ABCC3: variants seen among roughly 807,000 people sequenced by gnomAD.
The protein encoded by ABCC3 is ATP binding cassette subfamily C member 3.
In ABCC3, 121 loss-of-function variants were observed where a neutral mutation model predicts 165.3. That is an observed-to-expected ratio of 0.73 (90% CI 0.63 to 0.85). The LOEUF is 0.85. Ranked by LOEUF, ABCC3 falls within the 40% of genes least tolerant of loss-of-function variation. The probability of loss-of-function intolerance (pLI) is 0.00; values close to 1 mark genes in which losing one functional copy is unlikely to be tolerated. For synonymous variants in ABCC3, 733 were observed against 810.1 expected (o/e 0.90, Z 1.62); for missense variants, 1,869 against 1,964.1 (o/e 0.95, Z 0.92).
At chr17:50,678,364 AAAG>A in intron 25 of ABCC3, 145 bp downstream of exon 25, 2 of 930,100 alleles carry the variant, frequency 2.2e-6, no homozygotes, top group Non-Finnish European at 2.9e-6. Flanking sequence ...AAAAAAAAAA[AAAG>A]AAAAAAATCA....
chr17:50,661,846 G>A (rs1967397342), intron 8 of ABCC3, among the ~76,000 whole-genome samples: 1 of 152,170 alleles, frequency 6.6e-6, no homozygotes, highest in Non-Finnish European at 1.5e-5. Context: ...AAGCCAGCCT[G>A]GGATGCAGCA....
Position 50,676,409 on chromosome 17 carries a change from C to A in ABCC3, c.3199C>A (p.Arg1067Ser). 1.2e-6 allele frequency: 2 copies of A among 1,614,202 alleles called. No individual in the cohort carries two copies. The highest frequency in any genetic ancestry group is 1.7e-6 in the Non-Finnish European group (2 of 1,180,036). ...CTTCTTTGACACCACACCATCAGGC[C>A]GCATCCTGAACTGCTTCTCCAAGGA... ...QSFFDTTPSG[R>S]ILNCFSKDIY... Residue 1067 changes from arginine to serine, a missense_variant, in exon 23 of 31, where the codon CGC (arginine) becomes AGC (serine). By Grantham distance (110) the Arg-to-Ser change is moderately radical. Coordinates refer to ENST00000285238, the MANE Select transcript of ABCC3 (RefSeq NM_003786.4).
chr17:50,676,113 A>G (rs747610441), intron 22 of ABCC3, 23 bp downstream of exon 22: 1 of 1,613,636 alleles, frequency 6.2e-7, no homozygotes. Flanking sequence ...GGGTGTCCAG[A>G]AGGGGCTCCA....
intron 1 of ABCC3, among the ~76,000 whole-genome samples, chr17:50,636,924 G>A (rs2054185889): frequency 6.6e-6 from 1 of 152,188 alleles, no homozygotes; most frequent in Admixed American, 6.5e-5. Context: ...AAGGTCACAG[G>A]ACAATCAAAG....
At chr17:50,662,629 C>A (rs115358192) in intron 8 of ABCC3, among the ~76,000 whole-genome samples, 3 of 140,956 alleles carry the variant, frequency 2.1e-5, no homozygotes, top group South Asian at 2.3e-4. Flanking sequence ...CAGAGAGAGA[C>A]CCTGTCTCAA....
chr17:50,660,862 C>G, intron 7 of ABCC3, 61 bp from the exon 8 acceptor site: 3 of 1,495,702 alleles, frequency 2.0e-6, no homozygotes, highest in Non-Finnish European at 2.7e-6. Context: ...CAGCCTAGCC[C>G]TTGGCTTCCT....
In ABCC3 at chr17:50,668,447, A is replaced by T. The variant is rs761967613; in HGVS notation, c.1800A>T (p.Lys600Asn). The change falls in exon 14 of 31, where the codon AAA becomes AAT. Residue 600 changes from lysine to asparagine, a missense_variant. Lys to Asn is a moderately conservative substitution (Grantham distance 94). Coordinates refer to ENST00000285238, the MANE Select transcript of ABCC3 (RefSeq NM_003786.4). ...SNLTQASVSLKRIQQFLSQEE... is the reference protein window; with the variant it reads ...SNLTQASVSLNRIQQFLSQEE... ...TCCCGTAGGCCAGTGTGTCTCTGAA[A>T]CGGATCCAGCAATTCCTGAGCCAAG... 6.8e-6 allele frequency: 11 copies of T among 1,613,890 alleles called. No homozygotes were observed. In the East Asian group the frequency reaches 2.5e-4, roughly 36 times the overall value.
chr17:50,641,977 G>A (rs983433180), intron 1 of ABCC3, among the ~76,000 whole-genome samples: 1 of 151,114 alleles, frequency 6.6e-6, no homozygotes, highest in Non-Finnish European at 1.5e-5. Context: ...AGCCCAAGAG[G>A]TCAAGATTAC....
In ABCC3 at chr17:50,670,067, T is replaced by G. The variant is rs564062196; in HGVS notation, c.2241+539T>G. ...GAGTACTGGGATTACAGGCATGAGCTGCTGCACCTGGCTGAGCATCACTTT... is the reference window on the plus strand; with the variant it reads ...GAGTACTGGGATTACAGGCATGAGCGGCTGCACCTGGCTGAGCATCACTTT... On this transcript the variant is annotated intron_variant, in intron 17 of 30. Coordinates refer to ENST00000285238, the MANE Select transcript of ABCC3 (RefSeq NM_003786.4). 3.7e-3 allele frequency among the ~76,000 whole-genome samples: 557 copies of G among 151,130 alleles called. 2 individuals carry two copies. The highest frequency in any genetic ancestry group is 5.7e-3 in the Non-Finnish European group (385 of 67,728).
rs1967744341 is a variant in ABCC3 at position 50,674,030 on chromosome 17, CTCTCTCTTTCTT to C, written c.2599+376_2599+387del. Among the ~76,000 whole-genome samples, 2 of 4,694 alleles carry C rather than the reference CTCTCTCTTTCTT, an allele frequency of 4.3e-4. 1 individual carries two copies. Among genetic ancestry groups the C allele is most frequent in the South Asian group, 0.012 (2 of 162 alleles). 3.1% of individuals were successfully genotyped at this position (4,694 alleles called of 152,430 possible). On this transcript the variant is annotated intron_variant, in intron 19 of 30. Coordinates refer to ENST00000285238, the MANE Select transcript of ABCC3 (RefSeq NM_003786.4). Reference sequence around the variant, plus strand: ...TCTCTCTCTCTCTCTCTCTCTCTCTCTCTCTCTTTCTTTCTTTCTTTCTTTCTTTCTTTCTTT... The same window carrying C: ...TCTCTCTCTCTCTCTCTCTCTCTCTCTCTTTCTTTCTTTCTTTCTTTCTTT...
intron 14 of ABCC3, 26 bp downstream of exon 14, chr17:50,668,543 C>T: frequency 6.4e-7 from 1 of 1,554,048 alleles, no homozygotes; most frequent in African/African-American, 1.4e-5. Context: ...ACCTGGGCTG[C>T]CTGCCCCAGT....
intron 11 of ABCC3, among the ~76,000 whole-genome samples, chr17:50,666,974 C>T (rs1159661052): frequency 6.6e-6 from 1 of 152,214 alleles, no homozygotes; most frequent in East Asian, 1.9e-4. Context: ...AATCCCAGCA[C>T]TTGGGGAGGC....
intron 1 of ABCC3, among the ~76,000 whole-genome samples, chr17:50,636,086 G>A (rs1247220649): frequency 6.6e-6 from 1 of 152,028 alleles, no homozygotes; most frequent in Non-Finnish European, 1.5e-5. Flanking sequence ...TGTGGTCTCC[G>A]TTTTACAGAG....
At chr17:50,656,617 G>A (rs1967254376) in intron 2 of ABCC3, 85 bp from the exon 3 acceptor site, 5 of 1,519,434 alleles carry the variant, frequency 3.3e-6, no homozygotes, top group Non-Finnish European at 3.5e-6. Context: ...GTGGATTCTG[G>A]TGGCTTCAGG....
At chr17:50,635,593 T>C in intron 1 of ABCC3, 1 of 702,596 alleles carries the variant, frequency 1.4e-6, no homozygotes, top group Non-Finnish European at 2.6e-6. Context: ...GACCCCAGTC[T>C]GGAGACAGGT....
chr17:50,647,869 T>A (rs2146595134), intron 1 of ABCC3, among the ~76,000 whole-genome samples: 1 of 152,156 alleles, frequency 6.6e-6, no homozygotes, highest in Non-Finnish European at 1.5e-5. Flanking sequence ...CAAAACCCCG[T>A]CTGTACTAAA....
intron 11 of ABCC3, 122 bp downstream of exon 11, chr17:50,665,367 C>A: frequency 2.6e-6 from 2 of 778,650 alleles, no homozygotes; most frequent in Admixed American, 2.2e-5. Flanking sequence ...TGGCTACTAG[C>A]CATTTGCAGA....
At chr17:50,645,874 T>C (rs1057102492) in intron 1 of ABCC3, among the ~76,000 whole-genome samples, 3 of 152,216 alleles carry the variant, frequency 2.0e-5, no homozygotes, top group African/African-American at 7.2e-5. Flanking sequence ...CACTGGGCAA[T>C]GTCCCTGGTC....
intron 23 of ABCC3, 62 bp downstream of exon 23, chr17:50,676,650 C>T (rs980615269): frequency 7.3e-5 from 34 of 467,534 alleles, no homozygotes; most frequent in African/African-American, 4.4e-4. Flanking sequence ...AACACATGGG[C>T]GGGGGCAGCA....
Sources: allele counts gnomAD v4.1 joint callset (sites outside exome capture counted in the v4.1 genomes callset), GRCh38; gene constraint gnomAD v4.1.1; transcripts MANE v1.5; gene names NCBI Gene and HGNC (gene_info 2026-07-23, HGNC 2026-07-21).